The following ARHGEF4 variants were observed in gnomAD, a reference collection of about 807,000 sequenced individuals.
ARHGEF4 encodes APC-stimulated guanine nucleotide exchange factor 1.
Under a neutral mutation model 162.0 loss-of-function variants are expected in ARHGEF4, and 119 were observed. The observed-to-expected ratio is 0.73, with a 90% CI of 0.63 to 0.86. The LOEUF is 0.86. Among genes scored for constraint, ARHGEF4 ranks in the 40% least tolerant of loss-of-function variants. ARHGEF4 has a pLI of 0.00. For synonymous variants in ARHGEF4, 1,014 were observed against 979.9 expected (o/e 1.03, Z -0.65); for missense variants, 2,488 against 2,456.0 (o/e 1.01, Z -0.28).
At chr2:131,044,250 T>C in intron 11 of ARHGEF4, 49 bp from the exon 12 acceptor site, 2 of 1,598,774 alleles carry the variant, frequency 1.3e-6, no homozygotes, top group Non-Finnish European at 1.7e-6. Flanking sequence ...AGCCAGGAAA[T>C]GGTCAGGGGA....
rs1374275745 is a variant in ARHGEF4, at chr2:130,977,015, AGT to A, written c.3985+30387_3985+30388del. 3.3e-5 allele frequency among the ~76,000 whole-genome samples: 5 copies of A among 149,584 alleles called. No individual in the cohort carries two copies. The South Asian group carries it at 8.5e-4, about 25-fold the overall frequency. ...ATTACTGTGTCTGGCATGTGTTTGC[AGT>A]GTGTGTTAAGTGTGAATGGTGTGTG... On this transcript the variant is annotated intron_variant, in intron 4 of 13. Transcript: ENST00000409359.
chr2:131,040,944 C>A (rs114124268), intron 8 of ARHGEF4, among the ~76,000 whole-genome samples: 22,052 of 151,976 alleles, frequency 0.15, 2,066 homozygotes, highest in African/African-American at 0.27. Flanking sequence ...CAACCCCCTA[C>A]CACCGCCGCT....
chr2:130,896,663 C>T (rs574934366), intron 1 of ARHGEF4, among the ~76,000 whole-genome samples: 2 of 152,316 alleles, frequency 1.3e-5, no homozygotes, highest in Non-Finnish European at 2.9e-5. Context: ...ATTTCCTCTA[C>T]CAGTAATTTT....
At position 130,914,576 on chromosome 2, in the gene ARHGEF4, T is replaced by C; in HGVS notation, c.630T>C (p.Ser210=). The change falls in exon 2 of 14, where the codon AGT becomes AGC. Residue 210 remains serine (S), a synonymous_variant. Coordinates refer to ENST00000409359, the MANE Select transcript of ARHGEF4 (RefSeq NM_001367493.1). ...TTCAAGACCTCAGAGGGCTCTCCAGTGTTTCTCTTCAGAAATCCAGGTCTG... is the reference window on the plus strand; with the variant it reads ...TTCAAGACCTCAGAGGGCTCTCCAGCGTTTCTCTTCAGAAATCCAGGTCTG... The part of the protein sequence containing the change: ...VAVQDLRGLS[S]VSLQKSRSES... 1.4e-6 allele frequency: 2 copies of C among 1,394,896 alleles called. No individual in the cohort carries two copies. Among genetic ancestry groups the C allele is most frequent in the Non-Finnish European group, 1.8e-6 (2 of 1,081,154 alleles). 86.4% of individuals were successfully genotyped at this position (1,394,896 alleles called of 1,614,324 possible). A position where few individuals can be genotyped will look rare whatever the true frequency, so the allele number is the denominator to read the frequency against.
At chr2:130,877,460 G>T (rs575405571) in intron 1 of ARHGEF4, among the ~76,000 whole-genome samples, 2 of 152,028 alleles carry the variant, frequency 1.3e-5, no homozygotes, top group Admixed American at 1.3e-4. Context: ...AAGGCTTAGC[G>T]ATCCCAAACA....
At chr2:131,021,891 T>A (rs556487637) in intron 4 of ARHGEF4, among the ~76,000 whole-genome samples, 10 of 152,264 alleles carry the variant, frequency 6.6e-5, no homozygotes, top group Non-Finnish European at 1.0e-4. Context: ...GTCAATGCTT[T>A]TTCTGCATAG....
intron 1 of ARHGEF4, among the ~76,000 whole-genome samples, chr2:130,867,914 T>G (rs1366576687): frequency 6.6e-6 from 1 of 150,894 alleles, no homozygotes; most frequent in Non-Finnish European, 1.5e-5. Context: ...AAGGTGGATG[T>G]GTTTTTTTCT....
intron 5 of ARHGEF4, among the ~76,000 whole-genome samples, chr2:131,031,554 G>A (rs1017173936): frequency 1.3e-5 from 2 of 152,216 alleles, no homozygotes; most frequent in Non-Finnish European, 2.9e-5. Context: ...GTGGGCCCCT[G>A]CATTGTCCCA....
intron 4 of ARHGEF4, among the ~76,000 whole-genome samples, chr2:130,986,736 A>T (rs1686527589): frequency 6.6e-6 from 1 of 152,206 alleles, no homozygotes; most frequent in African/African-American, 2.4e-5. Flanking sequence ...TAGATGTGAG[A>T]CAACAGAAAT....
chr2:130,915,934 G>T lies in ARHGEF4; in HGVS notation c.1988G>T (p.Arg663Ile), dbSNP rs1022596974. 3 of 1,550,482 alleles carry T rather than the reference G, an allele frequency of 1.9e-6. No individual in the cohort carries two copies. Among genetic ancestry groups the T allele is most frequent in the Non-Finnish European group, 2.6e-6 (3 of 1,147,004 alleles). ...CTGCCCCGTGACTTTCCTAAGGAAA[G>T]ACCAGAATCTCCCTTGAGCACTGGC... ...ETLPRDFPKE[R>I]PESPLSTGET... Residue 663 changes from arginine (R) to isoleucine (I), a missense_variant, in exon 2 of 14, where the codon AGA becomes ATA. This residue lies in a region of ARHGEF4 where 1,642 missense variants were observed against 1,481.5 expected (regional missense o/e 1.11). Coordinates refer to ENST00000409359, the MANE Select transcript of ARHGEF4 (RefSeq NM_001367493.1).
chr2:130,999,347 G>A (rs1357153861), intron 4 of ARHGEF4, among the ~76,000 whole-genome samples: 1 of 151,726 alleles, frequency 6.6e-6, no homozygotes, highest in Non-Finnish European at 1.5e-5. Flanking sequence ...TAGTAGAGAC[G>A]GGGTTTTACC....
At chr2:131,040,467 C>G in intron 8 of ARHGEF4, 27 bp downstream of exon 8, 1 of 1,518,442 alleles carries the variant, frequency 6.6e-7, no homozygotes, top group Non-Finnish European at 8.8e-7. Context: ...CGGCCCCTAC[C>G]TGGGCGCTGC....
chr2:130,953,096 C>T (rs1684052710), intron 4 of ARHGEF4, among the ~76,000 whole-genome samples: 1 of 152,066 alleles, frequency 6.6e-6, no homozygotes, highest in South Asian at 2.1e-4. Context: ...CCCGCATTGC[C>T]AAGACAATCC....
At chr2:130,918,672 G>C (rs1681682238) in intron 2 of ARHGEF4, among the ~76,000 whole-genome samples, 1 of 152,224 alleles carries the variant, frequency 6.6e-6, no homozygotes, top group African/African-American at 2.4e-5. Context: ...TGCTAAGAGG[G>C]GCGGAGCTGG....
intron 4 of ARHGEF4, among the ~76,000 whole-genome samples, chr2:130,982,057 G>A (rs1164624010): frequency 6.6e-6 from 1 of 152,052 alleles, no homozygotes; most frequent in African/African-American, 2.4e-5. Flanking sequence ...GGAGTGCAGT[G>A]GCATTGTGTT....
chr2:131,045,617 G>A, intron 13 of ARHGEF4, 171 bp downstream of exon 13: 3 of 1,566,624 alleles, frequency 1.9e-6, no homozygotes, highest in Non-Finnish European at 2.6e-6. Flanking sequence ...CACTGGGGAA[G>A]CCTGGGTCAG....
intron 1 of ARHGEF4, among the ~76,000 whole-genome samples, chr2:130,849,886 C>T (rs788196): frequency 0.071 from 10,794 of 152,204 alleles, 1,267 homozygotes; most frequent in African/African-American, 0.25. Flanking sequence ...TTTTAAAAAA[C>T]GGTATAATAC....
At chr2:131,017,679 A>G (rs1454289116) in intron 4 of ARHGEF4, among the ~76,000 whole-genome samples, 1 of 152,194 alleles carries the variant, frequency 6.6e-6, no homozygotes, top group African/African-American at 2.4e-5. Context: ...AGAGAGGGAG[A>G]GCAAGGGAAA....
intron 4 of ARHGEF4, among the ~76,000 whole-genome samples, chr2:130,988,907 G>GAA (rs1686741057): frequency 7.5e-6 from 1 of 133,596 alleles, no homozygotes; most frequent in Non-Finnish European, 1.6e-5. Flanking sequence ...TATATAGAGA[G>GAA]AGAGAGAGAG....
Sources: allele counts gnomAD v4.1 joint callset (sites outside exome capture counted in the v4.1 genomes callset), GRCh38; gene constraint gnomAD v4.1.1; regional missense constraint gnomAD v4.1.1; transcripts MANE v1.5; gene names NCBI Gene and HGNC (gene_info 2026-07-23, HGNC 2026-07-21).